ZNF385B: variants seen among roughly 807,000 people sequenced by gnomAD.
ZNF385B encodes the protein zinc finger protein 533.
A neutral mutation model predicts 39.2 loss-of-function variants in ZNF385B; 23 were observed. The ratio of observed to expected loss-of-function variants is 0.59; its 90% CI spans 0.42 to 0.83. ZNF385B has a LOEUF of 0.83. Among genes scored for constraint, ZNF385B ranks in the 40% least tolerant of loss-of-function variants. The probability of loss-of-function intolerance (pLI) is 0.00; values close to 1 mark genes in which losing one functional copy is unlikely to be tolerated. For synonymous variants in ZNF385B, 205 were observed against 222.6 expected (o/e 0.92, Z 0.70); for missense variants, 552 against 598.9 (o/e 0.92, Z 0.82).
At chr2:179,843,315 A>G (rs1708638391) in intron 1 of ZNF385B, among the ~76,000 whole-genome samples, 1 of 152,210 alleles carries the variant, frequency 6.6e-6, no homozygotes, top group African/African-American at 2.4e-5. Flanking sequence ...CATCTAGAGT[A>G]AAAATCACAG....
At chr2:179,675,122 T>A (rs1696575639) in intron 3 of ZNF385B, among the ~76,000 whole-genome samples, 1 of 152,142 alleles carries the variant, frequency 6.6e-6, no homozygotes. Flanking sequence ...GATAACACAT[T>A]TGGTTAACAA....
chr2:179,605,686 G>T (rs997707307), intron 3 of ZNF385B, among the ~76,000 whole-genome samples: 1 of 152,094 alleles, frequency 6.6e-6, no homozygotes, highest in Non-Finnish European at 1.5e-5. Context: ...CTCTTAAGAC[G>T]CATTTATTTT....
intron 1 of ZNF385B, among the ~76,000 whole-genome samples, chr2:179,772,692 A>G (rs1019256437): frequency 1.3e-5 from 2 of 152,242 alleles, no homozygotes; most frequent in Non-Finnish European, 2.9e-5. Flanking sequence ...ACTAACAGTG[A>G]GTTTAAATGG....
chr2:179,816,354 C>A (rs574119346), intron 1 of ZNF385B, among the ~76,000 whole-genome samples: 1 of 152,170 alleles, frequency 6.6e-6, no homozygotes, highest in Non-Finnish European at 1.5e-5. Flanking sequence ...CCTTGGTCCC[C>A]GCCGAAGGGA....
chr2:179,792,820 GAAGGGA>G lies in ZNF385B; in HGVS notation c.-154-22154_-154-22149del, dbSNP rs375147007. Among the ~76,000 whole-genome samples, 24 of 152,300 alleles carry G rather than the reference GAAGGGA, an allele frequency of 1.6e-4. No homozygotes were observed. In the East Asian group the frequency reaches 2.1e-3, roughly 14 times the overall value. On this transcript the variant is annotated intron_variant, in intron 1 of 9. Coordinates refer to ENST00000410066, the MANE Select transcript of ZNF385B (RefSeq NM_152520.6). ...AGGTAAAGAGAAAAAGAAGGGAAGG[GAAGGGA>G]AAGGGAAAGGGAAAGGGAAGAACAT...
chr2:179,652,039 A>G (rs1255350248), intron 3 of ZNF385B, among the ~76,000 whole-genome samples: 3 of 152,188 alleles, frequency 2.0e-5, no homozygotes, highest in Non-Finnish European at 4.4e-5. Flanking sequence ...AGATTAAAAA[A>G]CAGAACTGAG....
intron 3 of ZNF385B, among the ~76,000 whole-genome samples, chr2:179,643,891 T>C (rs1692484946): frequency 6.6e-6 from 1 of 152,160 alleles, no homozygotes; most frequent in Admixed American, 6.6e-5. Flanking sequence ...AGAAATCATA[T>C]AGCACAATGT....
intron 3 of ZNF385B, among the ~76,000 whole-genome samples, chr2:179,634,924 T>G (rs1251255289): frequency 6.7e-6 from 1 of 148,732 alleles, no homozygotes; most frequent in Non-Finnish European, 1.5e-5. Context: ...GGTCAGGAGA[T>G]TCAGACCTTC....
chr2:179,563,088 T>C (rs1684126007), intron 3 of ZNF385B, among the ~76,000 whole-genome samples: 1 of 152,218 alleles, frequency 6.6e-6, no homozygotes, highest in African/African-American at 2.4e-5. Context: ...AATTTGATGT[T>C]GATAAAATTA....
At position 179,602,222 on chromosome 2, in the gene ZNF385B, G is replaced by T. The variant is rs10166382; in HGVS notation, c.299-57253C>A. ...ATTTTAAAGACACCATACAATTATA[G>T]GTTCAGTCTCATTAACTAAAACACA... is the stretch of plus-strand genomic sequence containing the variant. On this transcript the variant is annotated intron_variant, in intron 3 of 9. Transcript: ENST00000410066. 9.0e-3 allele frequency among the ~76,000 whole-genome samples: 1,366 copies of T among 152,296 alleles called. 24 individuals are homozygous for T. Among genetic ancestry groups the T allele is most frequent in the African/African-American group, 0.031 (1,303 of 41,572 alleles).
intron 6 of ZNF385B, among the ~76,000 whole-genome samples, chr2:179,472,006 C>T (rs1452625417): frequency 1.3e-5 from 2 of 152,164 alleles, no homozygotes; most frequent in African/African-American, 4.8e-5. Flanking sequence ...CTACATTAGG[C>T]ATCTTAATGC....
chr2:179,594,543 C>A (rs190860771), intron 3 of ZNF385B, among the ~76,000 whole-genome samples: 1 of 152,208 alleles, frequency 6.6e-6, no homozygotes, highest in Non-Finnish European at 1.5e-5. Flanking sequence ...GAAAATAATA[C>A]CCTAACATAT....
At chr2:179,755,072 G>A (rs1702925406) in intron 3 of ZNF385B, among the ~76,000 whole-genome samples, 1 of 152,180 alleles carries the variant, frequency 6.6e-6, no homozygotes, top group African/African-American at 2.4e-5. Context: ...GGCATTTAGT[G>A]CTATAAATTT....
chr2:179,475,452 A>C (rs1360171870), intron 6 of ZNF385B, among the ~76,000 whole-genome samples: 1 of 151,782 alleles, frequency 6.6e-6, no homozygotes, highest in Middle Eastern at 3.2e-3. Flanking sequence ...GGGTTTCACC[A>C]CATTGGCCAG....
At chr2:179,801,657 A>G (rs895270637) in intron 1 of ZNF385B, among the ~76,000 whole-genome samples, 7 of 152,174 alleles carry the variant, frequency 4.6e-5, no homozygotes, top group Non-Finnish European at 7.4e-5. Flanking sequence ...GGCCCCTGCC[A>G]TATAAAAATT....
intron 1 of ZNF385B, among the ~76,000 whole-genome samples, chr2:179,831,717 G>A (rs535243331): frequency 6.6e-6 from 1 of 152,284 alleles, no homozygotes; most frequent in African/African-American, 2.4e-5. Context: ...AGTCAGTTCA[G>A]CAGTAGCAAG....
At chr2:179,762,956 G>A (rs1421861572) in intron 3 of ZNF385B, among the ~76,000 whole-genome samples, 1 of 152,202 alleles carries the variant, frequency 6.6e-6, no homozygotes, top group Non-Finnish European at 1.5e-5. Flanking sequence ...CCAGGCTGGA[G>A]TGCAATGGCA....
intron 3 of ZNF385B, among the ~76,000 whole-genome samples, chr2:179,670,638 T>C (rs1341600777): frequency 2.0e-5 from 3 of 152,220 alleles, no homozygotes; most frequent in East Asian, 3.8e-4. Flanking sequence ...TGATTGGTTC[T>C]CATGAGCTGG....
chr2:179,776,273 T>G (rs1704311051), intron 1 of ZNF385B, among the ~76,000 whole-genome samples: 1 of 152,116 alleles, frequency 6.6e-6, no homozygotes, highest in Admixed American at 6.6e-5. Context: ...AAATGGACAC[T>G]GAGAGGTATG....
Sources: allele counts gnomAD v4.1 joint callset (sites outside exome capture counted in the v4.1 genomes callset), GRCh38; gene constraint gnomAD v4.1.1; transcripts MANE v1.5; gene names NCBI Gene and HGNC (gene_info 2026-07-23, HGNC 2026-07-21).